Variants in CHD5 observed in about 807,000 individuals in gnomAD.
CHD5 encodes the protein chromodomain helicase DNA binding protein 5.
In CHD5, 69 loss-of-function variants were observed where a neutral mutation model predicts 230.3. The observed-to-expected ratio is 0.30, with a 90% CI of 0.25 to 0.37. The LOEUF is 0.37. Among genes scored for constraint, CHD5 ranks in the 10% least tolerant of loss-of-function variants. The probability of loss-of-function intolerance (pLI) is 1.00; values close to 1 mark genes in which losing one functional copy is unlikely to be tolerated. For missense variants in CHD5, 1,827 were observed against 2,622.8 expected, an observed-to-expected ratio of 0.70 and a Z score of 6.63; for synonymous variants, 1,064 against 1,065.9, an observed-to-expected ratio of 1.00 and a Z score of 0.03.
intron 11 of CHD5, 142 bp from the exon 12 acceptor site, chr1:6,144,297 G>A (rs912971866): frequency 8.9e-5 from 104 of 1,171,956 alleles, no homozygotes; most frequent in Non-Finnish European, 1.2e-4. Flanking sequence ...GGAGACGAGG[G>A]CAGAAGCTCC....
In CHD5 at chr1:6,155,961, C is replaced by T. The variant is rs778752137; in HGVS notation, c.388-244G>A. ...CACGAAGTGCAGGCCAAGTGTTCGA[C>T]GTCAGGGTTTGGGGAGAGGCCATGT... is the stretch of plus-strand genomic sequence containing the variant. On this transcript the variant is annotated intron_variant, in intron 3 of 41. Transcript: ENST00000262450. This position sits in a 1 kb window ranked among gnomAD's most constrained non-coding sequence, Gnocchi z 4.0. 6.6e-6 allele frequency among the ~76,000 whole-genome samples: 1 copy of T among 152,206 alleles called. No individual in the cohort carries two copies. The highest frequency in any genetic ancestry group is 6.5e-5 in the Admixed American group (1 of 15,280).
chr1:6,163,705 G>A (rs946658743), intron 2 of CHD5, among the ~76,000 whole-genome samples: 6 of 152,168 alleles, frequency 3.9e-5, no homozygotes, highest in African/African-American at 1.4e-4. Context: ...CATACTGAGA[G>A]GCTCGTAGAC....
intron 33 of CHD5, among the ~76,000 whole-genome samples, chr1:6,113,978 G>T (rs890871861): frequency 4.6e-5 from 7 of 152,166 alleles, no homozygotes; most frequent in African/African-American, 1.4e-4. Flanking sequence ...GGCCGGGCGC[G>T]GTGGCTCACG....
In CHD5 at chr1:6,129,989, T is replaced by A. The variant is rs1046418158; in HGVS notation, c.3387+215A>T. Among the ~76,000 whole-genome samples the A allele has an allele frequency of 8.5e-5, 13 of 152,130 alleles. No homozygotes were observed. The highest frequency in any genetic ancestry group is 3.1e-4 in the African/African-American group (13 of 41,430). Reference sequence around the variant, plus strand: ...TTCCCCTGCCCTCTCCAAGCCTGCTTCCTCCTCTGGACAAGGACAGAGCTG... The same window carrying A: ...TTCCCCTGCCCTCTCCAAGCCTGCTACCTCCTCTGGACAAGGACAGAGCTG... On this transcript the variant is annotated intron_variant, in intron 22 of 41. Transcript: ENST00000262450. This position sits in a 1 kb window ranked among gnomAD's most constrained non-coding sequence, Gnocchi z 6.8.
chr1:6,109,786 C>T lies in CHD5; in HGVS notation c.5578+9G>A. 1 of 1,610,332 alleles carries T rather than the reference C, an allele frequency of 6.2e-7. No individual in the cohort carries two copies. The highest frequency in any genetic ancestry group is 8.5e-7 in the Non-Finnish European group (1 of 1,178,668). ...GGGGGCTGCACCGTGGGGGGCAGGA[C>T]TTGCTCACCCTTGTGCAGGACGGCA... On this transcript the variant is annotated intron_variant, in intron 38 of 41. Transcript: ENST00000262450.
rs775517221 is a variant in CHD5, at chr1:6,126,773, T to C, written c.3904-27A>G. The C allele has an allele frequency of 3.7e-6, 6 of 1,605,440 alleles. No homozygotes were observed. Among genetic ancestry groups the C allele is most frequent in the Admixed American group, 1.7e-5 (1 of 59,660 alleles). ...TGGGGACGCAGCACCACGGGTTCCA[T>C]GGGTGGAGCCATCTCTGCCCTCCCG... On this transcript the variant is annotated intron_variant, in intron 25 of 41. Transcript: ENST00000262450. This position sits in a 1 kb window ranked among gnomAD's most constrained non-coding sequence, Gnocchi z 5.7.
chr1:6,153,427 G>A (rs1180176149), intron 5 of CHD5, among the ~76,000 whole-genome samples: 1 of 152,170 alleles, frequency 6.6e-6, no homozygotes, highest in Non-Finnish European at 1.5e-5. Flanking sequence ...CACCCACCAG[G>A]CTCCCTTCAG....
chr1:6,174,988 T>C (rs1667400906), intron 1 of CHD5, among the ~76,000 whole-genome samples: 1 of 142,928 alleles, frequency 7.0e-6, no homozygotes, highest in African/African-American at 2.7e-5. Context: ...GATGGATGGA[T>C]GGATGGATGG....
At position 6,143,808 on chromosome 1, in the gene CHD5, AC is replaced by A; in HGVS notation, c.2043+14del. 1 of 1,088,428 alleles carries A rather than the reference AC, an allele frequency of 9.2e-7. No individual in the cohort carries two copies. Among genetic ancestry groups the A allele is most frequent in the Non-Finnish European group, 1.3e-6 (1 of 743,420 alleles). 67.4% of individuals were successfully genotyped at this position (1,088,428 alleles called of 1,614,324 possible). A position where few individuals can be genotyped will look rare whatever the true frequency, so the allele number is the denominator to read the frequency against. Reference sequence around the variant, plus strand: ...TGGCAACCCCACCCACTGCTGCCCCACCCTCCCCACTCACGTCCACAATGGG... The same window carrying A: ...TGGCAACCCCACCCACTGCTGCCCCACCTCCCCACTCACGTCCACAATGGG... On this transcript the variant is annotated intron_variant, in intron 13 of 41. Transcript: ENST00000262450.
At chr1:6,162,076 G>A (rs532957537) in intron 2 of CHD5, among the ~76,000 whole-genome samples, 4 of 152,320 alleles carry the variant, frequency 2.6e-5, no homozygotes, top group East Asian at 1.9e-4. Context: ...ATAGAACCAG[G>A]GAGACTGTAA....
At chr1:6,135,951 A>C (rs1666739193) in intron 17 of CHD5, among the ~76,000 whole-genome samples, 2 of 152,002 alleles carry the variant, frequency 1.3e-5, no homozygotes, top group Non-Finnish European at 2.9e-5. Context: ...CGGAGGTTGC[A>C]GTGAACTGAG....
At chr1:6,138,997 T>C (rs1299304402) in intron 15 of CHD5, among the ~76,000 whole-genome samples, 2 of 152,192 alleles carry the variant, frequency 1.3e-5, no homozygotes, top group East Asian at 3.8e-4. Flanking sequence ...CTCAGTGAAA[T>C]GAGCCAGTGA....
rs1375737938 is a variant in CHD5 at position 6,103,174 on chromosome 1, GCT to G, written c.*2298_*2299del. On this transcript the variant is annotated 3_prime_UTR_variant, in exon 42 of 42. Transcript: ENST00000262450. ...TCCCAAACTGGTCAGCCCCAAACCC[GCT>G]CTGACTCTAGTAGCCCACCCCTCCC... 6.6e-6 allele frequency: 1 copy of G among 152,506 alleles called. No individual in the cohort carries two copies. The highest frequency in any genetic ancestry group is 1.5e-5 in the Non-Finnish European group (1 of 68,106). 9.4% of individuals were successfully genotyped at this position (152,506 alleles called of 1,614,324 possible).
chr1:6,168,080 T>C, intron 2 of CHD5, 70 bp downstream of exon 2: 1 of 1,528,028 alleles, frequency 6.5e-7, no homozygotes, highest in Non-Finnish European at 8.9e-7. Flanking sequence ...CCAGCCCTCC[T>C]CTGCGGCCGG....
In CHD5 at chr1:6,154,735, G is replaced by C. The variant is rs1322542634; in HGVS notation, c.670C>G (p.Pro224Ala). ...AAAVETVTIS[P>A]PLAVSPPQVP... The stretch of plus-strand genomic sequence containing the variant: ...TGCGGGGGGCTGACGGCTAGCGGAG[G>C]GGAGATGGTGACCGTCTCTACAGCC... Residue 224 changes from proline to alanine, a missense_variant, in exon 5 of 42, where the codon CCT becomes GCT. Physicochemically the swap from Pro to Ala is conservative, Grantham distance 27 (BLOSUM62 -1). Transcript: ENST00000262450. This position sits in a 1 kb window ranked among gnomAD's most constrained non-coding sequence, Gnocchi z 7.0. The C allele has an allele frequency of 6.2e-7, 1 of 1,610,676 alleles. No homozygotes were observed. Among genetic ancestry groups the C allele is most frequent in the African/African-American group, 1.3e-5 (1 of 74,898 alleles).
chr1:6,144,560 C>T (rs1191227064), intron 11 of CHD5, among the ~76,000 whole-genome samples: 1 of 152,370 alleles, frequency 6.6e-6, no homozygotes, highest in South Asian at 2.1e-4. Flanking sequence ...ACGCAAAGGA[C>T]TTGTGCAGTG....
In CHD5 at chr1:6,102,799, G is replaced by A. The variant is rs1666092371; in HGVS notation, c.*2675C>T. ...GTTTGCAAAAAACGCAGGAGCTTCG[G>A]AAGGTGGCTTTCACGGGGGACGCTG... On this transcript the variant is annotated 3_prime_UTR_variant, in exon 42 of 42. Transcript: ENST00000262450. 6.6e-6 allele frequency: 1 copy of A among 152,252 alleles called. No homozygotes were observed. 9.4% of individuals were successfully genotyped at this position (152,252 alleles called of 1,614,324 possible). A position where few individuals can be genotyped will look rare whatever the true frequency, so the allele number is the denominator to read the frequency against.
At chr1:6,171,403 G>A (rs1667336532) in intron 1 of CHD5, among the ~76,000 whole-genome samples, 1 of 152,112 alleles carries the variant, frequency 6.6e-6, no homozygotes, top group Admixed American at 6.6e-5. Flanking sequence ...CGGAGACGGG[G>A]ACTCAGCCCT....
chr1:6,113,296 C>T lies in CHD5; in HGVS notation c.4913-298G>A, dbSNP rs184116293. 269 of 413,368 alleles carry T rather than the reference C, an allele frequency of 6.5e-4. 2 individuals carry two copies. Among genetic ancestry groups the T allele is most frequent in the African/African-American group, 5.1e-3 (247 of 48,606 alleles). 25.6% of individuals were successfully genotyped at this position (413,368 alleles called of 1,614,324 possible). On this transcript the variant is annotated intron_variant, in intron 33 of 41. Coordinates refer to ENST00000262450, the MANE Select transcript of CHD5 (RefSeq NM_015557.3). Reference sequence around the variant, plus strand: ...CAACTTAGCTGGGCTTGGCGCCATGCGCCTGTGGTCCCACCTGTTCAGGAA... The same window carrying T: ...CAACTTAGCTGGGCTTGGCGCCATGTGCCTGTGGTCCCACCTGTTCAGGAA...
Sources: allele counts gnomAD v4.1 joint callset (sites outside exome capture counted in the v4.1 genomes callset), GRCh38; gene constraint gnomAD v4.1.1; non-coding constraint Gnocchi (gnomAD v3.1); transcripts MANE v1.5; gene names NCBI Gene and HGNC (gene_info 2026-07-23, HGNC 2026-07-21).